The following TCF25 variants were observed in gnomAD, a reference collection of about 807,000 sequenced individuals.
The protein encoded by TCF25 is TCF25 ribosome quality control complex subunit.
TCF25 carries 41 observed loss-of-function variants against 83.1 expected under a neutral mutation model. The observed-to-expected ratio is 0.49, with a 90% CI of 0.38 to 0.64. The LOEUF (loss-of-function observed/expected upper bound fraction) is 0.64. Ranked by LOEUF, TCF25 falls within the 30% of genes least tolerant of loss-of-function variation. The probability of loss-of-function intolerance (pLI) is 0.00; values close to 1 mark genes in which losing one functional copy is unlikely to be tolerated. For synonymous variants in TCF25, 458 were observed against 365.0 expected, an observed-to-expected ratio of 1.25 and a Z score of -2.90; for missense variants, 979 against 914.5, an observed-to-expected ratio of 1.07 and a Z score of -0.91.
At chr16:89,904,329 G>A (rs144740381) in intron 13 of TCF25, 124 bp downstream of exon 13, 12,258 of 1,086,856 alleles carry the variant, frequency 0.011, 340 homozygotes, top group South Asian at 0.082. Context: ...CTGTGGTGGC[G>A]GCCTCGGGGA....
At chr16:89,877,977 T>A (rs1259219100) in intron 1 of TCF25, among the ~76,000 whole-genome samples, 1 of 152,324 alleles carries the variant, frequency 6.6e-6, no homozygotes, top group East Asian at 1.9e-4. Context: ...CTGAATTTTT[T>A]AAAGTATAAA....
At chr16:89,910,936 C>T (rs189727124) in intron 17 of TCF25, 144 bp from the exon 18 acceptor site, 3 of 1,201,332 alleles carry the variant, frequency 2.5e-6, no homozygotes, top group Admixed American at 2.6e-5. Flanking sequence ...TTGAGAGCTT[C>T]CTCCTCACAG....
chr16:89,873,792 A>G lies in TCF25; in HGVS notation c.125A>G (p.Glu42Gly), dbSNP rs1246746770. 6.3e-7 allele frequency: 1 copy of G among 1,599,270 alleles called. No individual in the cohort carries two copies. The highest frequency in any genetic ancestry group is 8.5e-7 in the Non-Finnish European group (1 of 1,174,468). ...GCGGAAGAAGAAGGGCCCAAGCGGG[A>G]GCTTGGTGTCCGGCGTCCCGGGGGC... ...DDAEEEGPKR[E>G]LGVRRPGGAG... The change falls in exon 1 of 18, where the codon GAG (glutamate) becomes GGG (glycine). Residue 42 changes from glutamate to glycine, a missense_variant. By Grantham distance (98) the Glu-to-Gly change is moderately conservative. Transcript: ENST00000263346.
At chr16:89,888,768 C>T (rs907326290) in intron 5 of TCF25, among the ~76,000 whole-genome samples, 1 of 150,396 alleles carries the variant, frequency 6.6e-6, no homozygotes, top group African/African-American at 2.4e-5. Context: ...CCTCCGCCTC[C>T]TGGGTTCAGG....
chr16:89,878,567 A>G, intron 1 of TCF25: 1 of 1,183,156 alleles, frequency 8.5e-7, no homozygotes, highest in Non-Finnish European at 1.1e-6. Flanking sequence ...GTCGTGGACA[A>G]GAACCTTGTG....
chr16:89,908,853 C>G lies in TCF25; in HGVS notation c.1799+1531C>G, dbSNP rs528928268. ...AGCTCCCACCTCGCAGCTCCCAGCT[C>G]TCTCCTGCAGCTCTGAGGTCAGGGC... On this transcript the variant is annotated intron_variant, in intron 16 of 17. Coordinates refer to ENST00000263346, the MANE Select transcript of TCF25 (RefSeq NM_014972.3). 2.3e-5 allele frequency: 27 copies of G among 1,169,414 alleles called. No individual in the cohort carries two copies. In the East Asian group the frequency reaches 1.3e-3, roughly 55 times the overall value. 72.4% of individuals were successfully genotyped at this position (1,169,414 alleles called of 1,614,324 possible). A position where few individuals can be genotyped will look rare whatever the true frequency, so the allele number is the denominator to read the frequency against.
chr16:89,895,593 T>A (rs911275870), intron 8 of TCF25, among the ~76,000 whole-genome samples: 9 of 152,244 alleles, frequency 5.9e-5, no homozygotes, highest in Non-Finnish European at 1.3e-4. Flanking sequence ...GGCTTAGTAA[T>A]ACTCCACTGT....
intron 8 of TCF25, 87 bp downstream of exon 8, chr16:89,895,224 G>A: frequency 2.4e-6 from 3 of 1,244,056 alleles, no homozygotes; most frequent in Non-Finnish European, 3.4e-6. Flanking sequence ...GATGACAGGG[G>A]TTGCCAGGAT....
At chr16:89,903,091 A>C (rs2044480613) in intron 12 of TCF25, among the ~76,000 whole-genome samples, 1 of 152,238 alleles carries the variant, frequency 6.6e-6, no homozygotes, top group Admixed American at 6.5e-5. Context: ...ATGCTCCACC[A>C]GTGCAGCCGT....
At chr16:89,900,387 G>C (rs537307826) in intron 11 of TCF25, among the ~76,000 whole-genome samples, 3 of 152,124 alleles carry the variant, frequency 2.0e-5, no homozygotes, top group African/African-American at 7.2e-5. Flanking sequence ...CACTCCCCAC[G>C]GTGTCCTCGC....
Position 89,883,373 on chromosome 16 carries a change from A to C in TCF25, c.215A>C (p.Asp72Ala). 6.2e-7 allele frequency: 1 copy of C among 1,613,800 alleles called. No homozygotes were observed. The highest frequency in any genetic ancestry group is 1.1e-5 in the South Asian group (1 of 91,070). The change falls in exon 2 of 18, where the codon GAT (aspartate) becomes GCT (alanine). Residue 72 changes from aspartate (D) to alanine (A), a missense_variant. By Grantham distance (126) the Asp-to-Ala change is moderately radical (BLOSUM62 -2). Coordinates refer to ENST00000263346, the MANE Select transcript of TCF25 (RefSeq NM_014972.3). ...FELINIDDLE[D>A]DPVVNGERSG... is the part of the protein sequence containing the mutation. ...CAGATAAACATTGACGATCTTGAGG[A>C]TGACCCTGTGGTGAACGGGGAGAGG...
chr16:89,885,523 A>G (rs185591665), intron 3 of TCF25, among the ~76,000 whole-genome samples: 2 of 152,350 alleles, frequency 1.3e-5, no homozygotes, highest in African/African-American at 4.8e-5. Context: ...TCCTGAGACA[A>G]GGGTGTAGCT....
At chr16:89,880,032 G>A (rs552073996) in intron 1 of TCF25, among the ~76,000 whole-genome samples, 1 of 150,692 alleles carries the variant, frequency 6.6e-6, no homozygotes, top group Non-Finnish European at 1.5e-5. Flanking sequence ...CCCATCACAC[G>A]TGCTGTCCGT....
At chr16:89,908,039 C>G (rs1230877118) in intron 16 of TCF25, among the ~76,000 whole-genome samples, 15 of 142,726 alleles carry the variant, frequency 1.1e-4, no homozygotes, top group Admixed American at 6.9e-5. Flanking sequence ...CAGCTCCCAC[C>G]TCCTACCTCC....
intron 5 of TCF25, chr16:89,889,274 C>T (rs1024849709): frequency 2.8e-5 from 11 of 389,418 alleles, no homozygotes; most frequent in Non-Finnish European, 5.0e-5. Context: ...AACTCGTGGC[C>T]TCAAGTGATC....
chr16:89,899,018 T>C, intron 11 of TCF25, 146 bp downstream of exon 11: 1 of 775,558 alleles, frequency 1.3e-6, no homozygotes, highest in East Asian at 2.7e-5. Flanking sequence ...CCTGCCTTGT[T>C]TGTCTCCCTT....
At chr16:89,892,550 C>T (rs1597325944) in intron 6 of TCF25, among the ~76,000 whole-genome samples, 1 of 152,194 alleles carries the variant, frequency 6.6e-6, no homozygotes, top group Non-Finnish European at 1.5e-5. Flanking sequence ...GGCCCAGTAC[C>T]TCAACACGGA....
intron 16 of TCF25, among the ~76,000 whole-genome samples, chr16:89,908,631 C>A (rs1314540432): frequency 1.8e-5 from 2 of 111,734 alleles, no homozygotes; most frequent in Non-Finnish European, 3.8e-5. Context: ...TCCCAGCTCC[C>A]ACCTCCCACC....
chr16:89,883,751 T>TAACCGCACACGTGTGTCCCTCCTAGCC (rs1377446794), intron 2 of TCF25: 3 of 489,650 alleles, frequency 6.1e-6, no homozygotes, highest in South Asian at 2.4e-5. Flanking sequence ...GCAGTGTATG[T>TAACCGCACACGTGTGTCCCTCCTAGCC]AACCGCACAC....
Sources: allele counts gnomAD v4.1 joint callset (sites outside exome capture counted in the v4.1 genomes callset), GRCh38; gene constraint gnomAD v4.1.1; transcripts MANE v1.5; gene names NCBI Gene and HGNC (gene_info 2026-07-23, HGNC 2026-07-21).